SOX6: variants seen among roughly 807,000 people sequenced by gnomAD.
SOX6 encodes the protein transcription factor SOX-6.
In SOX6, 11 loss-of-function variants were observed where a neutral mutation model predicts 97.8. The observed-to-expected ratio is 0.11, with a 90% CI of 0.07 to 0.19. SOX6 has a LOEUF of 0.19. SOX6 is among the 10% of genes least tolerant of loss of function. The pLI is 1.00. For synonymous variants in SOX6, 360 were observed against 371.4 expected, an observed-to-expected ratio of 0.97 and a Z score of 0.35; for missense variants, 810 against 1,039.5, an observed-to-expected ratio of 0.78 and a Z score of 3.04.
chr11:16,570,336 A>G (rs1345016347), intron 4 of SOX6, among the ~76,000 whole-genome samples: 2 of 152,178 alleles, frequency 1.3e-5, no homozygotes, highest in Non-Finnish European at 2.9e-5. Flanking sequence ...AAGCATTAAC[A>G]TATTTAAACT....
chr11:16,318,622 T>A lies in SOX6; in HGVS notation c.269A>T (p.Tyr90Phe), dbSNP rs1391889804. 4.3e-6 allele frequency: 7 copies of A among 1,613,198 alleles called. No homozygotes were observed. Among genetic ancestry groups the A allele is most frequent in the Non-Finnish European group, 5.9e-6 (7 of 1,179,516 alleles). Residue 90 changes from tyrosine to phenylalanine, a missense_variant, in exon 3 of 16, where the codon TAT becomes TTT. Around this residue, in one of 9 missense-constraint regions of SOX6, gnomAD observed 46 missense variants for 84.1 expected, o/e 0.55. Transcript: ENST00000683767. ...TGAGGTAGAGGTATTTCGGAAGGAATATAGGGAACATAACTTATTATTCTC... is the reference window on the plus strand; with the variant it reads ...TGAGGTAGAGGTATTTCGGAAGGAAAATAGGGAACATAACTTATTATTCTC... ...ESENNKLCSL[Y>F]SFRNTSTSPH...
intron 3 of SOX6, among the ~76,000 whole-genome samples, chr11:16,666,191 A>T (rs994600827): frequency 6.6e-6 from 1 of 152,202 alleles, no homozygotes; most frequent in African/African-American, 2.4e-5. Context: ...GGAAAACATG[A>T]TCAAAAACAT....
intron 4 of SOX6, among the ~76,000 whole-genome samples, chr11:16,561,819 T>G (rs1847818354): frequency 6.6e-6 from 1 of 152,054 alleles, no homozygotes; most frequent in Non-Finnish European, 1.5e-5. Flanking sequence ...AATCTCAAAC[T>G]CCTGGGCTCA....
At chr11:16,182,936 T>C (rs1337886314) in intron 6 of SOX6, among the ~76,000 whole-genome samples, 1 of 151,846 alleles carries the variant, frequency 6.6e-6, no homozygotes, top group Admixed American at 6.6e-5. Context: ...GGGCATGATA[T>C]TAACCTCAAG....
intron 12 of SOX6, among the ~76,000 whole-genome samples, chr11:16,036,730 G>A (rs1336468331): frequency 6.6e-6 from 1 of 152,134 alleles, no homozygotes; most frequent in Non-Finnish European, 1.5e-5. Flanking sequence ...TTTAAGCAGA[G>A]CACCCTCCTC....
At position 16,699,502 on chromosome 11, in the gene SOX6, G is replaced by T. The variant is rs376449348; in HGVS notation, n.429+15328C>A. 2.1e-4 allele frequency among the ~76,000 whole-genome samples: 32 copies of T among 152,140 alleles called. 1 individual carries two copies. In the South Asian group the frequency reaches 6.2e-3, roughly 30 times the overall value. ...AGTTCTACTGAAGTTGCTATCTCTG[G>T]AGTGGAGCCTGTGTTTTAAACAAGT... On this transcript the variant is annotated intron_variant and non_coding_transcript_variant, in intron 3 of 5. Transcript: ENST00000524520.
chr11:16,371,268 C>G (rs1857488097), intron 1 of SOX6, among the ~76,000 whole-genome samples: 1 of 151,934 alleles, frequency 6.6e-6, no homozygotes. Context: ...ATGCTCTTCC[C>G]CCAGATATCT....
chr11:16,362,951 T>G (rs1027278866), intron 1 of SOX6, among the ~76,000 whole-genome samples: 28 of 152,192 alleles, frequency 1.8e-4, no homozygotes, highest in Admixed American at 1.0e-3. Context: ...TCTGGTACTA[T>G]GCCGTTAACT....
chr11:16,506,866 C>G (rs1400381304), intron 4 of SOX6, among the ~76,000 whole-genome samples: 1 of 152,018 alleles, frequency 6.6e-6, no homozygotes, highest in Non-Finnish European at 1.5e-5. Context: ...GAGTTCGAGA[C>G]CAGCCTGGTC....
intron 6 of SOX6, among the ~76,000 whole-genome samples, chr11:16,157,670 T>C (rs1850638189): frequency 6.6e-6 from 1 of 151,982 alleles, no homozygotes; most frequent in Non-Finnish European, 1.5e-5. Flanking sequence ...TCATAAAAGG[T>C]CCTTCAATAT....
At chr11:16,680,192 T>C (rs1847915730) in intron 3 of SOX6, among the ~76,000 whole-genome samples, 2 of 152,150 alleles carry the variant, frequency 1.3e-5, no homozygotes, top group Admixed American at 6.5e-5. Context: ...GGAAAAAATG[T>C]TAAGGGCAGC....
chr11:16,717,931 T>C (rs1848230332), intron 2 of SOX6, among the ~76,000 whole-genome samples: 1 of 150,714 alleles, frequency 6.6e-6, no homozygotes, highest in African/African-American at 2.4e-5. Context: ...ACATCCATTA[T>C]AACTGTTCTT....
At chr11:16,428,374 T>C (rs1859196914) in intron 1 of SOX6, among the ~76,000 whole-genome samples, 1 of 152,260 alleles carries the variant, frequency 6.6e-6, no homozygotes, top group Admixed American at 6.5e-5. Context: ...CCATTGCTTT[T>C]GGTGTTTTAG....
In SOX6 at chr11:16,607,989, G is replaced by A. The variant is rs1421577499; in HGVS notation, n.609+4092C>T. 6.6e-6 allele frequency among the ~76,000 whole-genome samples: 1 copy of A among 152,058 alleles called. No homozygotes were observed. Among genetic ancestry groups the A allele is most frequent in the African/African-American group, 2.4e-5 (1 of 41,398 alleles). On this transcript the variant is annotated intron_variant and non_coding_transcript_variant, in intron 4 of 5. Coordinates refer to the SOX6 transcript ENST00000524520. This position sits in a 1 kb window ranked among gnomAD's most constrained non-coding sequence, Gnocchi z 6.5. ...TCGGCGAGACCAGAGGTTGGAACTGGGGAAAGCGCCTGGAAAGAGACGGTG... is the reference window on the plus strand; with the variant it reads ...TCGGCGAGACCAGAGGTTGGAACTGAGGAAAGCGCCTGGAAAGAGACGGTG...
chr11:16,658,986 T>C (rs1228633397), intron 3 of SOX6, among the ~76,000 whole-genome samples: 3 of 152,226 alleles, frequency 2.0e-5, no homozygotes, highest in African/African-American at 7.2e-5. Flanking sequence ...TTTCTCCCAC[T>C]TTCTGGCTTG....
rs1458356651 is a variant in SOX6 at position 16,560,566 on chromosome 11, T to A, written n.609+51515A>T. On this transcript the variant is annotated intron_variant and non_coding_transcript_variant, in intron 4 of 5. Coordinates refer to the SOX6 transcript ENST00000524520. ...ACGTACATATGTTTATACGTACATA[T>A]ATGTTTATACGTACATATATGTTTA... Among the ~76,000 whole-genome samples the A allele has an allele frequency of 6.1e-5, 7 of 115,576 alleles. 2 individuals are homozygous for A. The highest frequency in any genetic ancestry group is 6.3e-5 in the African/African-American group (2 of 31,976). 75.8% of individuals were successfully genotyped at this position (115,576 alleles called of 152,430 possible).
chr11:16,022,652 A>C (rs1300719958), intron 12 of SOX6, among the ~76,000 whole-genome samples: 1 of 152,098 alleles, frequency 6.6e-6, no homozygotes, highest in Non-Finnish European at 1.5e-5. Context: ...ACCTCAGGTG[A>C]TCTGCCTGCT....
At chr11:16,108,202 T>C (rs1288645575) in intron 7 of SOX6, among the ~76,000 whole-genome samples, 1 of 152,098 alleles carries the variant, frequency 6.6e-6, no homozygotes, top group Non-Finnish European at 1.5e-5. Context: ...GCTTTAGCTA[T>C]TATTATTATC....
At chr11:16,200,545 A>G (rs1851906428) in intron 4 of SOX6, among the ~76,000 whole-genome samples, 2 of 152,200 alleles carry the variant, frequency 1.3e-5, no homozygotes, top group Admixed American at 6.5e-5. Context: ...TGACACATCT[A>G]TAGAATATCT....
Sources: gnomAD v4.1 joint callset for allele counts (sites outside exome capture counted in the v4.1 genomes callset) on GRCh38, gnomAD v4.1.1 for gene constraint, gnomAD v4.1.1 regional missense constraint, Gnocchi (gnomAD v3.1) non-coding constraint, MANE v1.5 for transcripts, NCBI Gene and HGNC (gene_info 2026-07-23, HGNC 2026-07-21) for gene names.